ESRRG: variants seen among roughly 807,000 people sequenced by gnomAD.
ESRRG encodes the protein estrogen-related receptor gamma.
A neutral mutation model predicts 44.0 loss-of-function variants in ESRRG; 13 were observed. That is an observed-to-expected ratio of 0.30 (90% CI 0.19 to 0.47). The LOEUF (loss-of-function observed/expected upper bound fraction) is 0.47, where lower values mean the gene tolerates loss of function less well. Ranked by LOEUF, ESRRG falls within the 20% of genes least tolerant of loss-of-function variation. The pLI is 1.00. For missense variants in ESRRG, 395 were observed against 580.6 expected (o/e 0.68, Z 3.29); for synonymous variants, 215 against 214.6 (o/e 1.00, Z -0.02).
At chr1:216,616,356 G>A (rs1258534809) in intron 3 of ESRRG, among the ~76,000 whole-genome samples, 2 of 152,174 alleles carry the variant, frequency 1.3e-5, no homozygotes, top group African/African-American at 2.4e-5. Context: ...ATAGAAAAAC[G>A]CAGCTTTAGC....
intron 1 of ESRRG, among the ~76,000 whole-genome samples, chr1:216,686,919 C>T (rs1170934677): frequency 1.3e-5 from 2 of 152,148 alleles, no homozygotes; most frequent in Non-Finnish European, 2.9e-5. Flanking sequence ...TCTGGTTAGA[C>T]CTTGAGAGCA....
rs11572774 is a variant in ESRRG, at chr1:216,566,045, C to G, written c.701-1665G>C. 2.5e-3 allele frequency among the ~76,000 whole-genome samples: 379 copies of G among 151,666 alleles called. 11 individuals are homozygous for G. In the East Asian group the frequency reaches 0.063, roughly 25 times the overall value. On this transcript the variant is annotated intron_variant, in intron 4 of 6. Coordinates refer to ENST00000408911, the MANE Select transcript of ESRRG (RefSeq NM_001438.4). ...TATCCAAGTCAATGGATACTTGACA[C>G]GAGAGGTCAGAGAAATTTGGTTGAA...
At chr1:217,116,882 T>A in intron 1 of ESRRG, among the ~76,000 whole-genome samples, 1 of 152,142 alleles carries the variant, frequency 6.6e-6, no homozygotes, top group East Asian at 1.9e-4. Flanking sequence ...ATTTAAACAT[T>A]TAGAACCTTA....
intron 6 of ESRRG, among the ~76,000 whole-genome samples, chr1:216,517,205 T>C (rs1397933175): frequency 6.6e-6 from 1 of 152,168 alleles, no homozygotes; most frequent in East Asian, 1.9e-4. Context: ...CATTTCTGAC[T>C]TTAGACATGA....
rs375059037 is a variant in ESRRG at position 217,040,862 on chromosome 1, C to T, written c.-106+48645G>A. Among the ~76,000 whole-genome samples, 7 of 152,242 alleles carry T rather than the reference C, an allele frequency of 4.6e-5. 2 individuals carry two copies. Among genetic ancestry groups the T allele is most frequent in the African/African-American group, 1.7e-4 (7 of 41,542 alleles). ...AGTAGATACTATTTGGCCTACTACT[C>T]CACTCAACACAGATGGAGGGCCAGA... On this transcript the variant is annotated intron_variant, in intron 1 of 7. Transcript: ENST00000359162.
chr1:216,541,133 T>C (rs1022275815), intron 5 of ESRRG, among the ~76,000 whole-genome samples: 31 of 151,956 alleles, frequency 2.0e-4, no homozygotes, highest in Non-Finnish European at 3.4e-4. Context: ...AACCCACAAA[T>C]AGAACAAATG....
intron 1 of ESRRG, among the ~76,000 whole-genome samples, chr1:216,963,904 G>T (rs747453889): frequency 4.6e-5 from 7 of 152,126 alleles, no homozygotes; most frequent in Non-Finnish European, 1.0e-4. Context: ...ACAAAACAGA[G>T]ATTTGACTGA....
intron 1 of ESRRG, among the ~76,000 whole-genome samples, chr1:217,136,198 C>G (rs1252320825): frequency 1.3e-5 from 2 of 152,106 alleles, no homozygotes; most frequent in Non-Finnish European, 2.9e-5. Flanking sequence ...GGAGGGCGAT[C>G]CGGAGCCGGG....
intron 2 of ESRRG, among the ~76,000 whole-genome samples, chr1:216,838,772 C>T (rs187357416): frequency 1.6e-4 from 24 of 152,206 alleles, no homozygotes; most frequent in Admixed American, 1.4e-3. Flanking sequence ...TACATTTATA[C>T]CATAATATAG....
At chr1:216,947,009 T>A (rs546042265) in intron 1 of ESRRG, among the ~76,000 whole-genome samples, 1 of 152,252 alleles carries the variant, frequency 6.6e-6, no homozygotes, top group East Asian at 1.9e-4. Flanking sequence ...ATTTCTTTGC[T>A]TCTCTCACAG....
intron 1 of ESRRG, among the ~76,000 whole-genome samples, chr1:216,706,068 G>A (rs1310012340): frequency 4.6e-5 from 7 of 152,128 alleles, no homozygotes; most frequent in Non-Finnish European, 1.0e-4. Context: ...CCCACCCCCA[G>A]CAACCCCTGA....
chr1:216,790,734 A>C (rs1397202425), intron 2 of ESRRG, among the ~76,000 whole-genome samples: 1 of 152,196 alleles, frequency 6.6e-6, no homozygotes, highest in Non-Finnish European at 1.5e-5. Context: ...AGGCAGTAAA[A>C]AAGACTTGAA....
At chr1:216,918,819 G>A (rs1435537296) in intron 2 of ESRRG, among the ~76,000 whole-genome samples, 1 of 148,594 alleles carries the variant, frequency 6.7e-6, no homozygotes, top group Admixed American at 6.7e-5. Context: ...GAAAACCAGA[G>A]TAACATTTCT....
intron 1 of ESRRG, among the ~76,000 whole-genome samples, chr1:217,081,221 C>CCTTTTTTT (rs750003890): frequency 7.1e-5 from 5 of 70,416 alleles, no homozygotes; most frequent in African/African-American, 2.4e-4. Context: ...TAAAAATATT[C>CCTTTTTTT]TTTTTTTTTT....
At chr1:216,583,693 G>A (rs1248792726) in intron 3 of ESRRG, among the ~76,000 whole-genome samples, 1 of 152,208 alleles carries the variant, frequency 6.6e-6, no homozygotes, top group African/African-American at 2.4e-5. Context: ...ATGCTTTAAT[G>A]TCATAATAAA....
upstream of ESRRG, among the ~76,000 whole-genome samples, chr1:216,724,878 A>G (rs1294504182): frequency 2.0e-5 from 3 of 152,162 alleles, no homozygotes; most frequent in Non-Finnish European, 4.4e-5. Context: ...CCTTATGGAG[A>G]GTGAAAAACC....
chr1:216,526,769 G>A (rs933232287), intron 5 of ESRRG, among the ~76,000 whole-genome samples: 7 of 152,106 alleles, frequency 4.6e-5, no homozygotes, highest in Non-Finnish European at 1.0e-4. Flanking sequence ...GAAGCACAAG[G>A]CTGTCTGGGT....
chr1:216,705,698 G>A (rs539372174), intron 1 of ESRRG, among the ~76,000 whole-genome samples: 1 of 152,268 alleles, frequency 6.6e-6, no homozygotes, highest in African/African-American at 2.4e-5. Context: ...GGAGCAGCAG[G>A]TTCTTTCAGA....
chr1:217,104,043 A>G (rs1161806307), intron 1 of ESRRG, among the ~76,000 whole-genome samples: 1 of 152,186 alleles, frequency 6.6e-6, no homozygotes, highest in Non-Finnish European at 1.5e-5. Flanking sequence ...ACACATAAAG[A>G]TACGTAACTA....
Sources: allele counts gnomAD v4.1 joint callset (sites outside exome capture counted in the v4.1 genomes callset), GRCh38; gene constraint gnomAD v4.1.1; transcripts MANE v1.5; gene names NCBI Gene and HGNC (gene_info 2026-07-23, HGNC 2026-07-21).